The following CEMIP2 variants were observed in gnomAD, a reference collection of about 807,000 sequenced individuals.
The protein encoded by CEMIP2 is cell surface hyaluronidase CEMIP2.
In CEMIP2, 79 loss-of-function variants were observed where a neutral mutation model predicts 146.9. That is an observed-to-expected ratio of 0.54 (90% CI 0.45 to 0.65). CEMIP2 has a LOEUF of 0.65. Among genes scored for constraint, CEMIP2 ranks in the 30% least tolerant of loss-of-function variants. CEMIP2 has a pLI of 0.00. For synonymous variants in CEMIP2, 601 were observed against 606.3 expected (o/e 0.99, Z 0.13); for missense variants, 1,596 against 1,696.2 (o/e 0.94, Z 1.04).
Position 71,745,131 on chromosome 9 carries a change from A to G in CEMIP2, c.921T>C (p.Gly307=). The G allele has an allele frequency of 6.2e-7, 1 of 1,614,018 alleles. No individual in the cohort carries two copies. The highest frequency in any genetic ancestry group is 8.5e-7 in the Non-Finnish European group (1 of 1,179,988). ...CCCCGACAGCTATGGCAACAATCCG[A>G]CCTGGATCCTGGAATCTCAGAAACT... ...LQEFLRFQDP[G]RIVAIAVGDS... Residue 307 remains glycine, a synonymous_variant, in exon 4 of 24, where the codon GGT becomes GGC. Transcript: ENST00000377044.
intron 1 of CEMIP2, among the ~76,000 whole-genome samples, chr9:71,761,736 A>C (rs1322989000): frequency 6.6e-6 from 1 of 152,216 alleles, no homozygotes; most frequent in Non-Finnish European, 1.5e-5. Flanking sequence ...TCCTACATTC[A>C]AGAAGCTCAC....
At position 71,730,670 on chromosome 9, in the gene CEMIP2, A is replaced by T. The variant is rs768716770; in HGVS notation, c.1773+35T>A. 3.1e-6 allele frequency: 5 copies of T among 1,601,496 alleles called. No homozygotes were observed. In the African/African-American group the frequency reaches 6.7e-5, roughly 21 times the overall value. On this transcript the variant is annotated intron_variant, in intron 8 of 23. Transcript: ENST00000377044. ...AGAATTAAAGAGAGTTAACTATTTC[A>T]ATAATATGGGTTGACCTAATGCGAG...
chr9:71,716,421 A>T, intron 14 of CEMIP2, 96 bp downstream of exon 14: 1 of 1,077,264 alleles, frequency 9.3e-7, no homozygotes, highest in South Asian at 1.5e-5. Context: ...TTATGTTAAA[A>T]AAAATAATAA....
At chr9:71,734,424 G>A (rs895209585) in intron 6 of CEMIP2, among the ~76,000 whole-genome samples, 1 of 152,140 alleles carries the variant, frequency 6.6e-6, no homozygotes, top group Non-Finnish European at 1.5e-5. Flanking sequence ...ATACTTAGGT[G>A]AAGGGTTGGT....
chr9:71,732,489 G>C lies in CEMIP2; in HGVS notation c.1425C>G (p.Ile475Met). 1.2e-6 allele frequency: 2 copies of C among 1,612,138 alleles called. No individual in the cohort carries two copies. The highest frequency in any genetic ancestry group is 2.2e-5 in the South Asian group (2 of 90,556). The change falls in exon 7 of 24, where the codon ATC becomes ATG. Residue 475 changes from isoleucine to methionine, a missense_variant. Coordinates refer to ENST00000377044, the MANE Select transcript of CEMIP2 (RefSeq NM_013390.3). Reference sequence around the variant, plus strand: ...CAGCTCTCATGTCTACACCGTCTATGATCTCACCCATGTGCAGGAACTGAG... The same window carrying C: ...CAGCTCTCATGTCTACACCGTCTATCATCTCACCCATGTGCAGGAACTGAG... ...ETPQFLHMGE[I>M]IDGVDMRAEV...
intron 3 of CEMIP2, 79 bp downstream of exon 3, chr9:71,746,122 C>T (rs41308890): frequency 0.08 from 120,490 of 1,506,122 alleles, 5,773 homozygotes; most frequent in South Asian, 0.19. Context: ...TAAAAATAGT[C>T]TTCTACATAA....
At chr9:71,711,938 A>G in intron 16 of CEMIP2, 145 bp downstream of exon 16, 1 of 788,424 alleles carries the variant, frequency 1.3e-6, no homozygotes, top group Admixed American at 2.9e-5. Flanking sequence ...GAGAGAGTGC[A>G]TGGAATTAGG....
chr9:71,741,035 G>A (rs1239110293), intron 4 of CEMIP2, among the ~76,000 whole-genome samples: 1 of 152,080 alleles, frequency 6.6e-6, no homozygotes, highest in Non-Finnish European at 1.5e-5. Flanking sequence ...ATAGACTAGA[G>A]GTTAGAGTAG....
At position 71,732,393 on chromosome 9, in the gene CEMIP2, C is replaced by A; in HGVS notation, c.1521G>T (p.Gln507His). 6.2e-7 allele frequency: 1 copy of A among 1,612,892 alleles called. No individual in the cohort carries two copies. Among genetic ancestry groups the A allele is most frequent in the Non-Finnish European group, 8.5e-7 (1 of 1,179,762 alleles). Residue 507 changes from glutamine (Q) to histidine (H), a missense_variant, in exon 7 of 24, where the codon CAG becomes CAT. Gln to His is a conservative substitution (Grantham distance 24). Transcript: ENST00000377044. ...AGGTATCATAATCAAAAAATTGGCA[C>A]TGATTTTCTGCGTAGCATGAGTCCT... ...EVEDSCYAEN[Q>H]CQFFDYDTFG...
chr9:71,692,745 T>TA (rs1011232492), intron 21 of CEMIP2, among the ~76,000 whole-genome samples: 2 of 152,040 alleles, frequency 1.3e-5, no homozygotes, highest in Non-Finnish European at 2.9e-5. Flanking sequence ...TCCATCTCTA[T>TA]AAAAAATATT....
At chr9:71,759,836 G>A (rs1056604158) in intron 1 of CEMIP2, among the ~76,000 whole-genome samples, 2 of 145,538 alleles carry the variant, frequency 1.4e-5, no homozygotes, top group Non-Finnish European at 3.0e-5. Flanking sequence ...GGTGGGGGGG[G>A]GATGGCAGGG....
intron 1 of CEMIP2, among the ~76,000 whole-genome samples, chr9:71,764,259 C>G (rs2132049778): frequency 1.3e-5 from 2 of 152,256 alleles, no homozygotes; most frequent in East Asian, 3.9e-4. Context: ...CATCACCCCA[C>G]CATCATGTGT....
Position 71,755,245 on chromosome 9 carries a change from T to G in CEMIP2, c.-12-4860A>C, listed in dbSNP as rs147047778. 2.6e-4 allele frequency among the ~76,000 whole-genome samples: 39 copies of G among 149,378 alleles called. No homozygotes were observed. In the East Asian group the frequency reaches 6.8e-3, roughly 26 times the overall value. On this transcript the variant is annotated intron_variant, in intron 1 of 23. Coordinates refer to ENST00000377044, the MANE Select transcript of CEMIP2 (RefSeq NM_013390.3). ...CATGATTTTGGCCAAGCAAGGTGGC[T>G]CACACCTGTAATCTCAGTGCTTTGG... is the stretch of plus-strand genomic sequence containing the variant.
chr9:71,715,603 T>C (rs1823026806), intron 14 of CEMIP2, among the ~76,000 whole-genome samples: 1 of 142,396 alleles, frequency 7.0e-6, no homozygotes, highest in South Asian at 2.3e-4. Flanking sequence ...AATATATATA[T>C]ACATACATAT....
At chr9:71,755,402 G>A (rs990683335) in intron 1 of CEMIP2, among the ~76,000 whole-genome samples, 29 of 140,242 alleles carry the variant, frequency 2.1e-4, no homozygotes, top group South Asian at 2.0e-3. Flanking sequence ...AGCTGGTTGT[G>A]GTGGTTCCAT....
intron 3 of CEMIP2, among the ~76,000 whole-genome samples, 177 bp from the exon 4 acceptor site, chr9:71,745,756 C>T (rs1054809787): frequency 3.3e-5 from 5 of 152,212 alleles, no homozygotes; most frequent in African/African-American, 4.8e-5. Context: ...AATATACTCT[C>T]AATGCCCATG....
intron 17 of CEMIP2, among the ~76,000 whole-genome samples, chr9:71,706,266 C>T (rs1746397540): frequency 6.6e-6 from 1 of 150,676 alleles, no homozygotes; most frequent in African/African-American, 2.4e-5. Context: ...ACATATTCCA[C>T]TAAAAAATAT....
intron 4 of CEMIP2, among the ~76,000 whole-genome samples, chr9:71,743,363 C>A (rs1039545459): frequency 1.3e-5 from 2 of 152,020 alleles, no homozygotes; most frequent in Non-Finnish European, 2.9e-5. Flanking sequence ...CATCACATTG[C>A]GGCAACTTAT....
chr9:71,753,585 C>G (rs1394591520), intron 1 of CEMIP2, among the ~76,000 whole-genome samples: 1 of 152,074 alleles, frequency 6.6e-6, no homozygotes, highest in East Asian at 1.9e-4. Context: ...GTATAAGCAG[C>G]AAATACAAGA....
Sources: allele counts gnomAD v4.1 joint callset (sites outside exome capture counted in the v4.1 genomes callset), GRCh38; gene constraint gnomAD v4.1.1; transcripts MANE v1.5; gene names NCBI Gene and HGNC (gene_info 2026-07-23, HGNC 2026-07-21).